The following SNX2 variants were observed in gnomAD, a reference collection of about 807,000 sequenced individuals.
The protein encoded by SNX2 is sorting nexin 2, also known as sorting nexin-2.
SNX2 carries 25 observed loss-of-function variants against 69.9 expected under a neutral mutation model. The observed-to-expected ratio is 0.36, with a 90% CI of 0.26 to 0.50. The LOEUF is 0.50. Ranked by LOEUF, SNX2 falls within the 20% of genes least tolerant of loss-of-function variation. The probability of loss-of-function intolerance (pLI) is 0.97; values close to 1 mark genes in which losing one functional copy is unlikely to be tolerated. For missense variants in SNX2, 551 were observed against 613.3 expected, an observed-to-expected ratio of 0.90 and a Z score of 1.07; for synonymous variants, 229 against 200.4, an observed-to-expected ratio of 1.14 and a Z score of -1.20.
chr5:122,794,082 G>A (rs1011348325), intron 1 of SNX2, among the ~76,000 whole-genome samples: 2 of 151,880 alleles, frequency 1.3e-5, no homozygotes, highest in Non-Finnish European at 1.5e-5. Context: ...AGGCTGAGGC[G>A]GGTGGATCAC....
chr5:122,790,037 G>C (rs890068112), intron 1 of SNX2, among the ~76,000 whole-genome samples: 1 of 152,212 alleles, frequency 6.6e-6, no homozygotes, highest in African/African-American at 2.4e-5. Flanking sequence ...AGCTTAGCTA[G>C]CTAGGTATTC....
intron 1 of SNX2, among the ~76,000 whole-genome samples, chr5:122,777,259 G>C (rs1475563278): frequency 6.6e-6 from 1 of 152,112 alleles, no homozygotes; most frequent in African/African-American, 2.4e-5. Flanking sequence ...TCCGTGTTTT[G>C]CAATCTTTGT....
At position 122,805,947 on chromosome 5, in the gene SNX2, A is replaced by T. The variant is rs569496951; in HGVS notation, c.644-2330A>T. ...AGGCGCCCGCCACCACGCACAGCTA[A>T]TGTTTTGTATTTTTAGTAGAGATGG... On this transcript the variant is annotated intron_variant, in intron 6 of 14. Transcript: ENST00000379516. Among the ~76,000 whole-genome samples, 3 of 151,842 alleles carry T rather than the reference A, an allele frequency of 2.0e-5. No homozygotes were observed. The South Asian group carries it at 6.2e-4, about 32-fold the overall frequency.
chr5:122,829,773 TATACACAC>T lies in SNX2; in HGVS notation c.*127_*134del, dbSNP rs1561481437. 35 of 608,728 alleles carry T rather than the reference TATACACAC, an allele frequency of 5.7e-5. No homozygotes were observed. The highest frequency in any genetic ancestry group is 3.0e-4 in the East Asian group (10 of 33,408). The allele number at this position is 608,728 out of a possible 1,614,324, so 37.7% of individuals were successfully genotyped here. ...ATTTTATGAATTACATGTGGTTTTA[TATACACAC>T]ACACACACACACACACACACACACA... On this transcript the variant is annotated 3_prime_UTR_variant, in exon 15 of 15. Coordinates refer to ENST00000379516, the MANE Select transcript of SNX2 (RefSeq NM_003100.4).
At chr5:122,783,148 T>C in intron 1 of SNX2, among the ~76,000 whole-genome samples, 1 of 151,476 alleles carries the variant, frequency 6.6e-6, no homozygotes, top group Admixed American at 6.6e-5. Flanking sequence ...GGTTTCATAA[T>C]GTTAGCCAGG....
chr5:122,829,971 C>T lies in SNX2; in HGVS notation c.*323C>T. The T allele has an allele frequency of 3.5e-6, 1 of 287,896 alleles. No individual in the cohort carries two copies. Among genetic ancestry groups the T allele is most frequent in the Non-Finnish European group, 6.6e-6 (1 of 150,916 alleles). 17.8% of individuals were successfully genotyped at this position (287,896 alleles called of 1,614,324 possible). Reference sequence around the variant, plus strand: ...ACCAGAAAATTTTACAATATTTTTTCTTTACAATATGTTCTGTAGTATGTT... The same window carrying T: ...ACCAGAAAATTTTACAATATTTTTTTTTTACAATATGTTCTGTAGTATGTT... On this transcript the variant is annotated 3_prime_UTR_variant, in exon 15 of 15. Transcript: ENST00000379516.
intron 11 of SNX2, among the ~76,000 whole-genome samples, chr5:122,824,043 T>C (rs1754091634): frequency 6.6e-6 from 1 of 151,630 alleles, no homozygotes; most frequent in African/African-American, 2.4e-5. Flanking sequence ...CTTCTAAAAA[T>C]AAAAATAAAT....
chr5:122,786,529 T>C (rs1753093205), intron 1 of SNX2, among the ~76,000 whole-genome samples: 1 of 152,192 alleles, frequency 6.6e-6, no homozygotes, highest in Non-Finnish European at 1.5e-5. Flanking sequence ...GCTTAAAATA[T>C]ACATACCTGA....
At chr5:122,775,757 A>G (rs1485962487) in intron 1 of SNX2, 2 of 985,278 alleles carry the variant, frequency 2.0e-6, no homozygotes, top group South Asian at 4.7e-5. Flanking sequence ...TTGGACTGTT[A>G]AATAGGTAAA....
At position 122,778,641 on chromosome 5, in the gene SNX2, T is replaced by A. The variant is rs376304503; in HGVS notation, c.108+3430T>A. Among the ~76,000 whole-genome samples, 62 of 152,314 alleles carry A rather than the reference T, an allele frequency of 4.1e-4. No homozygotes were observed. The East Asian group carries it at 0.01, about 26-fold the overall frequency. On this transcript the variant is annotated intron_variant, in intron 1 of 14. Transcript: ENST00000379516. ...CTCCTGCCTCAGCCTCCTGAGTAGC[T>A]GGGACTACAGGCGTGCACCACCATG... is the stretch of plus-strand genomic sequence containing the variant.
chr5:122,815,041 G>A (rs1337393261), intron 7 of SNX2, among the ~76,000 whole-genome samples: 1 of 152,080 alleles, frequency 6.6e-6, no homozygotes, highest in Admixed American at 6.5e-5. Context: ...GAGCCACCGC[G>A]CCCAGCCGAT....
At chr5:122,783,377 TAAC>T (rs1193615781) in intron 1 of SNX2, among the ~76,000 whole-genome samples, 1 of 152,230 alleles carries the variant, frequency 6.6e-6, no homozygotes, top group Non-Finnish European at 1.5e-5. Context: ...AATCCTTTGC[TAAC>T]TTTAACCCAT....
rs1026765480 is a variant in SNX2 at position 122,831,112 on chromosome 5, A to G, written c.*1464A>G. Reference sequence around the variant, plus strand: ...CCCTCTTCTTGAGCTTAACCACCACATATCCCTTCCATAGGAACAAGATAT... The same window carrying G: ...CCCTCTTCTTGAGCTTAACCACCACGTATCCCTTCCATAGGAACAAGATAT... On this transcript the variant is annotated 3_prime_UTR_variant, in exon 15 of 15. Transcript: ENST00000379516. Among the ~76,000 whole-genome samples, 2 of 152,000 alleles carry G rather than the reference A, an allele frequency of 1.3e-5. No homozygotes were observed. Among genetic ancestry groups the G allele is most frequent in the African/African-American group, 4.8e-5 (2 of 41,382 alleles).
chr5:122,778,533 G>C (rs1274117927), intron 1 of SNX2, among the ~76,000 whole-genome samples: 2 of 151,954 alleles, frequency 1.3e-5, no homozygotes, highest in African/African-American at 4.8e-5. Context: ...TTTTGAGACA[G>C]AGTCTCGCTC....
At chr5:122,797,206 G>A (rs1753400242) in intron 2 of SNX2, among the ~76,000 whole-genome samples, 1 of 152,168 alleles carries the variant, frequency 6.6e-6, no homozygotes, top group Non-Finnish European at 1.5e-5. Flanking sequence ...GGGATTACAG[G>A]CGTGAGCCAC....
At chr5:122,829,483 G>A in intron 14 of SNX2, 115 bp from the exon 15 acceptor site, 3 of 716,920 alleles carry the variant, frequency 4.2e-6, no homozygotes, top group East Asian at 2.9e-5. Context: ...GGAATTATAG[G>A]TGTGAGCTAC....
At position 122,799,838 on chromosome 5, in the gene SNX2, G is replaced by A; in HGVS notation, c.373G>A (p.Asp125Asn). ...SKSMSAPVIF[D>N]RSREEIEEEA... ...GAGTATGTCTGCTCCCGTGATCTTT[G>A]ATAGATCCAGGGAAGAGGTACAGGA... is the stretch of plus-strand genomic sequence containing the variant. Residue 125 changes from aspartate to asparagine, a missense_variant, in exon 3 of 15, where the codon GAT becomes AAT. Around this residue, in one of 2 missense-constraint regions of SNX2, gnomAD observed 191 missense variants for 162.9 expected, o/e 1.17. Coordinates refer to ENST00000379516, the MANE Select transcript of SNX2 (RefSeq NM_003100.4). The A allele has an allele frequency of 6.2e-7, 1 of 1,611,224 alleles. No homozygotes were observed. The highest frequency in any genetic ancestry group is 8.5e-7 in the Non-Finnish European group (1 of 1,178,378).
intron 1 of SNX2, among the ~76,000 whole-genome samples, chr5:122,790,205 G>A (rs142259562): frequency 0.015 from 2,255 of 152,168 alleles, 21 homozygotes; most frequent in Non-Finnish European, 0.019. Context: ...TGCAACCTCC[G>A]CCTCCTGGGT....
Position 122,834,269 on chromosome 5 carries a change from T to G in SNX2, c.*4621T>G, listed in dbSNP as rs720953. ...TGTAGTTTACTATCTAGTTTTTTAA[T>G]GCACATGAAGTAATTTAAAATGCTC... On this transcript the variant is annotated 3_prime_UTR_variant, in exon 15 of 15. Transcript: ENST00000379516. 1 of 152,244 alleles carries G rather than the reference T, an allele frequency of 6.6e-6. No homozygotes were observed. The highest frequency in any genetic ancestry group is 1.5e-5 in the Non-Finnish European group (1 of 68,040). The allele number at this position is 152,244 out of a possible 1,614,324, so 9.4% of individuals were successfully genotyped here.
Sources: allele counts gnomAD v4.1 joint callset (sites outside exome capture counted in the v4.1 genomes callset), GRCh38; gene constraint gnomAD v4.1.1; regional missense constraint gnomAD v4.1.1; transcripts MANE v1.5; gene names NCBI Gene and HGNC (gene_info 2026-07-23, HGNC 2026-07-21).